Variants in LRP1B observed in about 807,000 individuals in gnomAD.
The protein encoded by LRP1B is LDL receptor related protein 1B.
LRP1B carries 217 observed loss-of-function variants against 556.6 expected under a neutral mutation model. The observed-to-expected ratio is 0.39, with a 90% CI of 0.35 to 0.44. The LOEUF (loss-of-function observed/expected upper bound fraction) is 0.44. Among genes scored for constraint, LRP1B ranks in the 20% least tolerant of loss-of-function variants. LRP1B has a pLI of 1.00. For missense variants in LRP1B, 5,053 were observed against 5,620.8 expected (o/e 0.90, Z 3.23); for synonymous variants, 2,047 against 1,865.8 (o/e 1.10, Z -2.50).
chr2:141,721,797 G>C (rs953186696), intron 2 of LRP1B, among the ~76,000 whole-genome samples: 3 of 152,060 alleles, frequency 2.0e-5, no homozygotes, highest in Non-Finnish European at 4.4e-5. Context: ...TTATTCGTAT[G>C]GTAGCAAAAT....
At chr2:141,058,810 A>G (rs139072582) in intron 9 of LRP1B, 73 bp downstream of exon 9, 2 of 1,304,586 alleles carry the variant, frequency 1.5e-6, no homozygotes, top group African/African-American at 3.0e-5. Context: ...CTTCAACACC[A>G]TACAAAAGCA....
intron 3 of LRP1B, among the ~76,000 whole-genome samples, chr2:141,328,278 A>G (rs914804664): frequency 5.3e-5 from 8 of 152,178 alleles, no homozygotes; most frequent in Non-Finnish European, 8.8e-5. Flanking sequence ...AGAATACTCA[A>G]TCTCTATACC....
At chr2:140,845,588 A>G (rs1240204702) in intron 29 of LRP1B, among the ~76,000 whole-genome samples, 1 of 152,114 alleles carries the variant, frequency 6.6e-6, no homozygotes, top group African/African-American at 2.4e-5. Flanking sequence ...CAAAATCTAC[A>G]TATTCATAAA....
Position 140,456,577 on chromosome 2 carries a change from T to C in LRP1B, c.9841A>G (p.Asn3281Asp), listed in dbSNP as rs1371070062. Residue 3281 changes from asparagine to aspartate, a missense_variant, in exon 62 of 91, where the codon AAT becomes GAT. Transcript: ENST00000389484. The part of the protein sequence containing the change: ...DVSKHLCMIN[N>D]GGCSHLCLLA... ...AGGCACAAATGACTGCAACCACCAT[T>C]ATTTATCATGCAGAGATGTTTGGAG... 1 of 1,611,752 alleles carries C rather than the reference T, an allele frequency of 6.2e-7. No homozygotes were observed. Among genetic ancestry groups the C allele is most frequent in the Non-Finnish European group, 8.5e-7 (1 of 1,178,658 alleles).
intron 66 of LRP1B, among the ~76,000 whole-genome samples, chr2:140,430,815 C>T (rs1227494338): frequency 1.3e-5 from 2 of 152,198 alleles, no homozygotes; most frequent in Non-Finnish European, 2.9e-5. Context: ...AATCAATTCT[C>T]AATATTCCAT....
chr2:141,886,403 A>G (rs1412810560), intron 1 of LRP1B, among the ~76,000 whole-genome samples: 1 of 152,340 alleles, frequency 6.6e-6, no homozygotes, highest in African/African-American at 2.4e-5. Flanking sequence ...AATGAGTTAA[A>G]TTCATTTTGA....
intron 7 of LRP1B, among the ~76,000 whole-genome samples, chr2:141,089,676 A>G (rs1371694472): frequency 2.0e-5 from 3 of 152,210 alleles, no homozygotes; most frequent in Non-Finnish European, 4.4e-5. Flanking sequence ...AACACACCTC[A>G]GAATTATCTC....
At chr2:140,476,146 G>A (rs1046672695) in intron 59 of LRP1B, among the ~76,000 whole-genome samples, 2 of 151,978 alleles carry the variant, frequency 1.3e-5, no homozygotes, top group African/African-American at 2.4e-5. Context: ...TTACTTAGAC[G>A]TTTTTCTCTG....
intron 6 of LRP1B, among the ~76,000 whole-genome samples, chr2:141,210,932 C>T (rs1267504205): frequency 5.9e-5 from 9 of 152,110 alleles, no homozygotes; most frequent in Non-Finnish European, 1.0e-4. Flanking sequence ...GCTAAACTAA[C>T]AATAAAGACA....
At chr2:141,028,120 A>G (rs534399981) in intron 11 of LRP1B, among the ~76,000 whole-genome samples, 2 of 152,220 alleles carry the variant, frequency 1.3e-5, no homozygotes, top group Non-Finnish European at 2.9e-5. Context: ...TTTTAAAAAT[A>G]TAATAAATTG....
chr2:140,969,248 C>T (rs939468474), intron 18 of LRP1B, among the ~76,000 whole-genome samples: 7 of 152,172 alleles, frequency 4.6e-5, no homozygotes, highest in African/African-American at 1.4e-4. Flanking sequence ...AGATAGTTAG[C>T]TCTTCTTGTT....
At chr2:142,000,907 A>G (rs1702632834) in intron 1 of LRP1B, among the ~76,000 whole-genome samples, 1 of 152,138 alleles carries the variant, frequency 6.6e-6, no homozygotes, top group Non-Finnish European at 1.5e-5. Flanking sequence ...CCCAAATCTC[A>G]TGTTGAATTG....
At chr2:141,518,567 T>C (rs72852464) in intron 2 of LRP1B, among the ~76,000 whole-genome samples, 11,780 of 152,200 alleles carry the variant, frequency 0.077, 494 homozygotes, top group South Asian at 0.19. Context: ...TTGATCTTGT[T>C]GTTTTTAAAG....
intron 1 of LRP1B, among the ~76,000 whole-genome samples, chr2:142,035,559 A>T (rs1703847039): frequency 6.6e-6 from 1 of 151,512 alleles, no homozygotes; most frequent in South Asian, 2.1e-4. Flanking sequence ...TTTATAAGTT[A>T]CTTTCTTTCT....
chr2:141,278,995 T>A (rs912630253), intron 3 of LRP1B, among the ~76,000 whole-genome samples: 8 of 152,124 alleles, frequency 5.3e-5, no homozygotes, highest in Non-Finnish European at 8.8e-5. Flanking sequence ...CCTATTTACC[T>A]ATGCAAAAAT....
At chr2:140,660,156 T>C (rs549986020) in intron 41 of LRP1B, among the ~76,000 whole-genome samples, 19 of 152,160 alleles carry the variant, frequency 1.2e-4, no homozygotes, top group African/African-American at 4.3e-4. Context: ...AAAAAACTCC[T>C]GCTCTGCAAA....
At chr2:141,140,462 T>A (rs1478910335) in intron 7 of LRP1B, among the ~76,000 whole-genome samples, 1 of 152,166 alleles carries the variant, frequency 6.6e-6, no homozygotes, top group Non-Finnish European at 1.5e-5. Context: ...TAGTCTGAAA[T>A]AAGACTGTAT....
At chr2:141,737,134 A>G (rs535961372) in intron 2 of LRP1B, among the ~76,000 whole-genome samples, 16 of 152,262 alleles carry the variant, frequency 1.1e-4, no homozygotes, top group African/African-American at 3.8e-4. Context: ...CAGGTGGATC[A>G]TGAGGTGAGG....
intron 2 of LRP1B, among the ~76,000 whole-genome samples, chr2:141,628,319 A>C (rs1197764726): frequency 6.6e-6 from 1 of 152,160 alleles, no homozygotes; most frequent in Non-Finnish European, 1.5e-5. Flanking sequence ...TTCAGAAAGA[A>C]GGTAGGTCTC....
Sources: gnomAD v4.1 joint callset for allele counts (sites outside exome capture counted in the v4.1 genomes callset) on GRCh38, gnomAD v4.1.1 for gene constraint, MANE v1.5 for transcripts, NCBI Gene and HGNC (gene_info 2026-07-23, HGNC 2026-07-21) for gene names.